The following SEC14L3 variants were observed in gnomAD, a reference collection of about 807,000 sequenced individuals.
SEC14L3 encodes SEC14 like lipid binding 3.
A neutral mutation model predicts 57.4 loss-of-function variants in SEC14L3; 56 were observed. The observed-to-expected ratio is 0.97, with a 90% CI of 0.79 to 1.22. SEC14L3 has a LOEUF of 1.22. SEC14L3 is among the 50% of genes most tolerant of loss of function. The pLI, the probability that SEC14L3 is intolerant of heterozygous loss-of-function variation, is 0.00. For missense variants in SEC14L3, 485 were observed against 511.7 expected (o/e 0.95, Z 0.50); for synonymous variants, 173 against 194.4 (o/e 0.89, Z 0.92).
rs190550166 is a variant in SEC14L3, at chr22:30,471,096, C to T, written c.55-514G>A. 1,375 of 335,222 alleles carry T rather than the reference C, an allele frequency of 4.1e-3. 13 individuals carry two copies. Among genetic ancestry groups the T allele is most frequent in the Non-Finnish European group, 6.4e-3 (1,112 of 173,432 alleles). 20.8% of individuals were successfully genotyped at this position (335,222 alleles called of 1,614,324 possible). On this transcript the variant is annotated intron_variant, in intron 1 of 11. Coordinates refer to ENST00000215812, the MANE Select transcript of SEC14L3 (RefSeq NM_174975.5). ...GGTCAGGAGTTTGAGACCAGCCTGGCCAACATGGTGAAAACTCATCTCTAC... is the reference window on the plus strand; with the variant it reads ...GGTCAGGAGTTTGAGACCAGCCTGGTCAACATGGTGAAAACTCATCTCTAC...
rs1277720403 is a variant in SEC14L3 at position 30,461,480 on chromosome 22, C to T, written c.912-1G>A. On this transcript the variant is annotated splice_acceptor_variant, in intron 10 of 11. Transcript: ENST00000215812. LOFTEE classifies it high-confidence loss of function. ...CGCACCATCAGATGAGAACTGCCAC[C>T]TGTCAGGGGGAGGGGGAGGAGACAG... The T allele has an allele frequency of 1.9e-6, 3 of 1,613,272 alleles. No homozygotes were observed. The highest frequency in any genetic ancestry group is 8.5e-7 in the Non-Finnish European group (1 of 1,179,478).
intron 11 of SEC14L3, 68 bp downstream of exon 11, chr22:30,461,242 C>T (rs1288502388): frequency 1.3e-6 from 2 of 1,518,260 alleles, no homozygotes; most frequent in Non-Finnish European, 1.8e-6. Context: ...CCCTCTGTTT[C>T]CTTCTCTAAA....
In SEC14L3 at chr22:30,462,085, C is replaced by A; in HGVS notation, c.771+1G>T. 1 of 1,613,994 alleles carries A rather than the reference C, an allele frequency of 6.2e-7. No individual in the cohort carries two copies. Among genetic ancestry groups the A allele is most frequent in the Non-Finnish European group, 8.5e-7 (1 of 1,179,942 alleles). On this transcript the variant is annotated splice_donor_variant, in intron 9 of 11. Coordinates refer to ENST00000215812, the MANE Select transcript of SEC14L3 (RefSeq NM_174975.5). LOFTEE classifies it high-confidence loss of function. ...TTGTCCCAGGGAAGGGCTCTTTGTA[C>A]CTTGGTTAAACATTTGGGGTTCCCA...
rs752174541 is a variant in SEC14L3, at chr22:30,461,559, G to T, written c.907C>A (p.Leu303Ile). The T allele has an allele frequency of 1.9e-6, 3 of 1,614,132 alleles. No homozygotes were observed. In the Admixed American group the frequency reaches 5.0e-5, roughly 27 times the overall value. Reference sequence around the variant, plus strand: ...GGGGTTAGGGCCTGCCCCTACCTGAGAACGCAGCCTGGAAATAGGATCTCG... The same window carrying T: ...GGGGTTAGGGCCTGCCCCTACCTGATAACGCAGCCTGGAAATAGGATCTCG... ...EYEILFPGCVLRWQFSSDGAD... is the reference protein window; with the variant it reads ...EYEILFPGCVIRWQFSSDGAD... The change falls in exon 10 of 12, where the codon CTC becomes ATC. Residue 303 changes from leucine to isoleucine, a missense_variant. By Grantham distance (5) the Leu-to-Ile change is conservative. Coordinates refer to ENST00000215812, the MANE Select transcript of SEC14L3 (RefSeq NM_174975.5).
downstream of SEC14L3, among the ~76,000 whole-genome samples, chr22:30,455,318 G>A (rs138507027): frequency 0.014 from 2,006 of 145,022 alleles, 28 homozygotes; most frequent in Middle Eastern, 0.038. Context: ...ATGTGACCTC[G>A]GCTCACTGCA....
At chr22:30,464,008 A>C (rs190876589) in intron 8 of SEC14L3, among the ~76,000 whole-genome samples, 43 of 152,326 alleles carry the variant, frequency 2.8e-4, no homozygotes, top group Admixed American at 8.5e-4. Context: ...GTTTATGCTT[A>C]TGAAGATAAG....
At chr22:30,449,157 T>C (rs1388821113) in exon 13 of SEC14L3, 4 of 1,550,574 alleles carry the variant, frequency 2.6e-6, no homozygotes, top group African/African-American at 1.4e-5. Flanking sequence ...TGCCATCACT[T>C]GCGAGTTTGA....
At chr22:30,467,177 G>A (rs1362846533) in intron 5 of SEC14L3, 100 bp from the exon 6 acceptor site, 14 of 1,529,388 alleles carry the variant, frequency 9.2e-6, no homozygotes, top group Non-Finnish European at 1.2e-5. Context: ...TCTAGACCCC[G>A]ACTCTGTCCT....
At chr22:30,453,965 C>A (rs942997325) in intron 12 of SEC14L3, among the ~76,000 whole-genome samples, 3 of 152,256 alleles carry the variant, frequency 2.0e-5, no homozygotes, top group Admixed American at 2.0e-4. Context: ...CTCTCCTCCC[C>A]CCAACTGCTG....
chr22:30,456,724 T>G (rs142593889), downstream of SEC14L3, among the ~76,000 whole-genome samples: 2,488 of 152,282 alleles, frequency 0.016, 42 homozygotes, highest in Middle Eastern at 0.041. Flanking sequence ...TTAGTGACCA[T>G]TGGCCAAAGC....
intron 4 of SEC14L3, 128 bp downstream of exon 4, chr22:30,469,891 T>C: frequency 1.4e-6 from 1 of 690,446 alleles, no homozygotes. Flanking sequence ...ATTATGACTG[T>C]AGGAAAGGAG....
At chr22:30,455,088 T>A (rs182564504), downstream of SEC14L3, among the ~76,000 whole-genome samples, 181 of 53,810 alleles carry the variant, frequency 3.4e-3, 2 homozygotes, top group South Asian at 6.5e-3. Context: ...TATTAAATAT[T>A]TAATATATAA....
At chr22:30,467,721 G>A (rs1432009617) in intron 5 of SEC14L3, among the ~76,000 whole-genome samples, 2 of 152,156 alleles carry the variant, frequency 1.3e-5, no homozygotes. Context: ...AGGTGTGTGT[G>A]GTGGGAACTA....
At chr22:30,470,761 G>T (rs1048003654) in intron 1 of SEC14L3, 179 bp from the exon 2 acceptor site, 2 of 900,458 alleles carry the variant, frequency 2.2e-6, no homozygotes, top group Non-Finnish European at 2.7e-6. Context: ...TGGATGAATG[G>T]AAGGAGGATA....
intron 12 of SEC14L3, among the ~76,000 whole-genome samples, chr22:30,452,234 T>TTTTC (rs1437931764): frequency 7.1e-5 from 10 of 140,868 alleles, no homozygotes; most frequent in Admixed American, 1.5e-4. Context: ...AGGAATTTTC[T>TTTTC]TTTCTTTCTT....
intron 12 of SEC14L3, among the ~76,000 whole-genome samples, chr22:30,450,847 G>A (rs1297497946): frequency 6.6e-6 from 1 of 152,218 alleles, no homozygotes; most frequent in Non-Finnish European, 1.5e-5. Context: ...TGAAACTGTA[G>A]GTGGGCTCTT....
At chr22:30,450,891 A>G (rs1173013977) in intron 12 of SEC14L3, among the ~76,000 whole-genome samples, 1 of 152,250 alleles carries the variant, frequency 6.6e-6, no homozygotes, top group Non-Finnish European at 1.5e-5. Context: ...AGGAAGGTCC[A>G]GAGAGGCCAA....
downstream of SEC14L3, among the ~76,000 whole-genome samples, chr22:30,454,865 A>ATAAT (rs1935070717): frequency 8.1e-5 from 4 of 49,458 alleles, no homozygotes; most frequent in South Asian, 9.8e-4. Context: ...ATTATTATAT[A>ATAAT]ATACATAATA....
chr22:30,465,645 A>G (rs1397718926), intron 7 of SEC14L3, among the ~76,000 whole-genome samples: 1 of 152,226 alleles, frequency 6.6e-6, no homozygotes, highest in Non-Finnish European at 1.5e-5. Flanking sequence ...ACTAGCCATC[A>G]AAACAACCTA....
Sources: gnomAD v4.1 joint callset for allele counts (sites outside exome capture counted in the v4.1 genomes callset) on GRCh38, gnomAD v4.1.1 for gene constraint, MANE v1.5 for transcripts, NCBI Gene and HGNC (gene_info 2026-07-23, HGNC 2026-07-21) for gene names.